Variants in CACNA2D1 observed in about 807,000 individuals in gnomAD.
The protein encoded by CACNA2D1 is voltage-dependent calcium channel subunit alpha-2/delta-1.
A neutral mutation model predicts 171.5 loss-of-function variants in CACNA2D1; 53 were observed. The observed-to-expected ratio is 0.31, with a 90% CI of 0.25 to 0.39. The LOEUF is 0.39. CACNA2D1 is among the 10% of genes least tolerant of loss of function. The pLI is 1.00. For missense variants in CACNA2D1, 903 were observed against 1,299.8 expected (o/e 0.69, Z 4.69); for synonymous variants, 442 against 443.1 (o/e 1.00, Z 0.03).
intron 1 of CACNA2D1, among the ~76,000 whole-genome samples, chr7:82,355,936 G>C (rs1820370488): frequency 6.6e-6 from 1 of 151,698 alleles, no homozygotes; most frequent in Non-Finnish European, 1.5e-5. Flanking sequence ...GTATAAAATT[G>C]AACTCAATAT....
At chr7:81,959,916 A>T in intron 36 of CACNA2D1, 87 bp from the exon 37 acceptor site, 1 of 1,524,380 alleles carries the variant, frequency 6.6e-7, no homozygotes, top group Middle Eastern at 1.9e-4. Flanking sequence ...TATTAAAATG[A>T]AAGACAAAAT....
In CACNA2D1 at chr7:82,079,536, A is replaced by G. The variant is rs187711947; in HGVS notation, c.658+5233T>C. 2.6e-3 allele frequency among the ~76,000 whole-genome samples: 396 copies of G among 152,074 alleles called. 2 individuals carry two copies. The highest frequency in any genetic ancestry group is 8.7e-3 in the African/African-American group (362 of 41,476). ...GAGAAAACCCGTCTCTACTAATAAT[A>G]CAAAAATTAGCCAGGCATGGTGGCA... is the stretch of plus-strand genomic sequence containing the variant. On this transcript the variant is annotated intron_variant, in intron 7 of 38. Coordinates refer to ENST00000356860, the MANE Select transcript of CACNA2D1 (RefSeq NM_000722.4).
At chr7:82,197,113 GA>G (rs1430637112) in intron 3 of CACNA2D1, among the ~76,000 whole-genome samples, 5 of 151,884 alleles carry the variant, frequency 3.3e-5, no homozygotes, top group Non-Finnish European at 7.4e-5. Context: ...ACACAGAGAA[GA>G]AAATGTGTCT....
Position 81,964,460 on chromosome 7 carries a change from C to T in CACNA2D1, c.2575-101G>A. 8 of 905,782 alleles carry T rather than the reference C, an allele frequency of 8.8e-6. No individual in the cohort carries two copies. In the South Asian group the frequency reaches 9.3e-5, roughly 11 times the overall value. The allele number at this position is 905,782 out of a possible 1,614,324, so 56.1% of individuals were successfully genotyped here. On this transcript the variant is annotated intron_variant, in intron 32 of 38. Coordinates refer to ENST00000356860, the MANE Select transcript of CACNA2D1 (RefSeq NM_000722.4). The stretch of plus-strand genomic sequence containing the variant: ...AGTGAAAAGAAATAATACAAAGAAA[C>T]TGAACTACAACTGAGGAGCTTAAAA...
intron 1 of CACNA2D1, among the ~76,000 whole-genome samples, chr7:82,431,797 T>C (rs1281691774): frequency 2.0e-5 from 3 of 151,608 alleles, no homozygotes; most frequent in Admixed American, 2.0e-4. Flanking sequence ...CCCAGCACTT[T>C]GGAGGTTGAG....
intron 12 of CACNA2D1, among the ~76,000 whole-genome samples, chr7:82,015,225 C>T (rs955490927): frequency 6.6e-6 from 1 of 152,142 alleles, no homozygotes; most frequent in African/African-American, 2.4e-5. Flanking sequence ...TCAGAAAGGT[C>T]ATTGTACTTC....
chr7:82,183,252 A>G (rs1379869630), intron 3 of CACNA2D1, among the ~76,000 whole-genome samples: 3 of 152,134 alleles, frequency 2.0e-5, no homozygotes, highest in Non-Finnish European at 4.4e-5. Flanking sequence ...TGAATGATTA[A>G]CTTTCCAAAT....
At chr7:82,266,816 C>T (rs893333844) in intron 3 of CACNA2D1, among the ~76,000 whole-genome samples, 1 of 152,154 alleles carries the variant, frequency 6.6e-6, no homozygotes, top group Non-Finnish European at 1.5e-5. Flanking sequence ...TGCACCCAGC[C>T]TCAACTAATT....
intron 1 of CACNA2D1, among the ~76,000 whole-genome samples, chr7:82,404,820 T>C (rs1826843423): frequency 6.6e-6 from 1 of 152,148 alleles, no homozygotes. Context: ...GAGAGAGAAG[T>C]GATTTGCCAA....
At chr7:82,220,236 T>G (rs1801600479) in intron 3 of CACNA2D1, among the ~76,000 whole-genome samples, 1 of 152,198 alleles carries the variant, frequency 6.6e-6, no homozygotes. Flanking sequence ...AACTTAATTA[T>G]GTAGGTCTGA....
At chr7:82,094,742 C>T (rs1428030947) in intron 6 of CACNA2D1, among the ~76,000 whole-genome samples, 1 of 55,066 alleles carries the variant, frequency 1.8e-5, no homozygotes, top group African/African-American at 1.3e-4. Flanking sequence ...AACATGTACC[C>T]ATAAGACTTT....
intron 8 of CACNA2D1, among the ~76,000 whole-genome samples, chr7:82,066,102 C>CAA (rs1490325749): frequency 6.6e-6 from 1 of 152,120 alleles, no homozygotes; most frequent in East Asian, 1.9e-4. Context: ...CTGCCAGAGG[C>CAA]AAATTATCTC....
chr7:82,181,151 G>T (rs560277110), intron 3 of CACNA2D1, among the ~76,000 whole-genome samples: 2 of 134,964 alleles, frequency 1.5e-5, no homozygotes, highest in Middle Eastern at 4.5e-3. Context: ...TAACCAGGCC[G>T]AAAGTAATGG....
chr7:82,381,440 C>T (rs1404378513), intron 1 of CACNA2D1, among the ~76,000 whole-genome samples: 2 of 151,588 alleles, frequency 1.3e-5, no homozygotes, highest in Admixed American at 6.6e-5. Flanking sequence ...TGAAGAGCAA[C>T]GATATTTATG....
intron 3 of CACNA2D1, among the ~76,000 whole-genome samples, chr7:82,171,195 T>TA (rs1472397541): frequency 1.3e-5 from 2 of 152,106 alleles, no homozygotes; most frequent in African/African-American, 4.8e-5. Context: ...TCGTGTATGC[T>TA]AAAGTAGTTA....
At chr7:82,060,365 A>C in intron 10 of CACNA2D1, 63 bp downstream of exon 10, 1 of 1,070,934 alleles carries the variant, frequency 9.3e-7, no homozygotes, top group South Asian at 1.3e-5. Context: ...TAAAGTACCT[A>C]AAGTCAGGAG....
intron 10 of CACNA2D1, among the ~76,000 whole-genome samples, chr7:82,057,245 G>A (rs992666662): frequency 6.6e-5 from 10 of 152,072 alleles, no homozygotes; most frequent in African/African-American, 2.4e-4. Flanking sequence ...ATTGGCAAAT[G>A]CTACACATCA....
chr7:82,262,403 G>A (rs1222600880), intron 3 of CACNA2D1, among the ~76,000 whole-genome samples: 1 of 152,148 alleles, frequency 6.6e-6, no homozygotes, highest in African/African-American at 2.4e-5. Context: ...TTTTACATAT[G>A]TATAGCACCA....
chr7:82,238,469 C>T (rs1354322012), intron 3 of CACNA2D1, among the ~76,000 whole-genome samples: 1 of 151,884 alleles, frequency 6.6e-6, no homozygotes, highest in East Asian at 1.9e-4. Flanking sequence ...GGCCAACAAT[C>T]ATATGAAAAA....
Sources: allele counts gnomAD v4.1 joint callset (sites outside exome capture counted in the v4.1 genomes callset), GRCh38; gene constraint gnomAD v4.1.1; transcripts MANE v1.5; gene names NCBI Gene and HGNC (gene_info 2026-07-23, HGNC 2026-07-21).